GPI: variants seen among roughly 807,000 people sequenced by gnomAD.
The protein encoded by GPI is glucose-6-phosphate isomerase, also known as D-hexose-6-phosphate anomerase.
GPI carries 56 observed loss-of-function variants against 75.8 expected under a neutral mutation model. That is an observed-to-expected ratio of 0.74 (90% CI 0.60 to 0.92). The LOEUF (loss-of-function observed/expected upper bound fraction) is 0.92, where lower values mean the gene tolerates loss of function less well. Ranked by LOEUF, GPI falls within the 40% of genes least tolerant of loss-of-function variation. The pLI, the probability that GPI is intolerant of heterozygous loss-of-function variation, is 0.00. For synonymous variants in GPI, 288 were observed against 285.4 expected (o/e 1.01, Z -0.09); for missense variants, 638 against 741.0 (o/e 0.86, Z 1.61).
chr19:34,362,185 G>A (rs1486991279), upstream of GPI, among the ~76,000 whole-genome samples: 1 of 151,820 alleles, frequency 6.6e-6, no homozygotes, highest in African/African-American at 2.4e-5. Context: ...TACTAGGGAG[G>A]CTGAGGCAAG....
At chr19:34,387,440 A>T (rs1252689767) in intron 9 of GPI, among the ~76,000 whole-genome samples, 1 of 150,820 alleles carries the variant, frequency 6.6e-6, no homozygotes, top group East Asian at 1.9e-4. Flanking sequence ...CAATGGTGGT[A>T]TGTTTACCTG....
At position 34,400,153 on chromosome 19, in the gene GPI, TGGACCACGA is replaced by T. The variant is rs1240588893; in HGVS notation, c.*119_*127del. ...CCAGAGCACCCTCTGGTTGTGGGCT[TGGACCACGA>T]GCCCTTAGCAGGGAAGGCTGGTCTC... On this transcript the variant is annotated 3_prime_UTR_variant, in exon 18 of 18. Coordinates refer to ENST00000356487, the MANE Select transcript of GPI (RefSeq NM_000175.5). 9.0e-6 allele frequency: 10 copies of T among 1,116,520 alleles called. No homozygotes were observed. Among genetic ancestry groups the T allele is most frequent in the Non-Finnish European group, 1.3e-5 (10 of 743,726 alleles). 69.2% of individuals were successfully genotyped at this position (1,116,520 alleles called of 1,614,324 possible). A position where few individuals can be genotyped will look rare whatever the true frequency, so the allele number is the denominator to read the frequency against.
At chr19:34,398,906 C>T (rs2074981690) in intron 14 of GPI, 3 of 244,202 alleles carry the variant, frequency 1.2e-5, no homozygotes, top group South Asian at 5.3e-5. Flanking sequence ...CGGGTTTCAC[C>T]ATGTTGGTCA....
At chr19:34,397,854 A>C (rs770917978) in intron 14 of GPI, 10 of 149,100 alleles carry the variant, frequency 6.7e-5, no homozygotes, top group Non-Finnish European at 1.0e-4. Context: ...GCTACTAGAT[A>C]ATCCAGGAAA....
At chr19:34,399,532 G>T (rs752136708) in intron 15 of GPI, 24 bp from the exon 16 acceptor site, 5 of 1,611,852 alleles carry the variant, frequency 3.1e-6, no homozygotes, top group Non-Finnish European at 3.4e-6. Context: ...CTCTCTTGGA[G>T]ACATTCCTTG....
chr19:34,393,572 A>G lies in GPI; in HGVS notation c.866-156A>G. 4.0e-6 allele frequency: 3 copies of G among 757,920 alleles called. No homozygotes were observed. The highest frequency in any genetic ancestry group is 6.9e-6 in the Non-Finnish European group (3 of 434,716). 46.9% of individuals were successfully genotyped at this position (757,920 alleles called of 1,614,324 possible). A position where few individuals can be genotyped will look rare whatever the true frequency, so the allele number is the denominator to read the frequency against. ...GAGTCAGATCCCTGCACTCAGGGCC[A>G]CCTCTCACTGGAGGGGCTTTGTCTA... is the stretch of plus-strand genomic sequence containing the variant. On this transcript the variant is annotated intron_variant, in intron 10 of 17. Coordinates refer to ENST00000356487, the MANE Select transcript of GPI (RefSeq NM_000175.5). The surrounding 1 kb of genome is among the most constrained non-coding windows in gnomAD (Gnocchi z 4.4).
At chr19:34,381,425 T>C (rs1367039764) in intron 8 of GPI, 41 bp from the exon 9 acceptor site, 3 of 1,382,738 alleles carry the variant, frequency 2.2e-6, no homozygotes, top group South Asian at 2.3e-5. Flanking sequence ...CGCTAGCAAA[T>C]GCTTCTTTGC....
At chr19:34,389,184 C>T (rs1186469988) in intron 9 of GPI, among the ~76,000 whole-genome samples, 1 of 152,174 alleles carries the variant, frequency 6.6e-6, no homozygotes, top group East Asian at 1.9e-4. Context: ...CTGCGTCTGT[C>T]AGGTAAGGTT....
At chr19:34,381,952 G>T (rs1210639496) in intron 9 of GPI, among the ~76,000 whole-genome samples, 1 of 152,004 alleles carries the variant, frequency 6.6e-6, no homozygotes, top group Non-Finnish European at 1.5e-5. Flanking sequence ...AGGAGGAGCT[G>T]GGGGGGTGGC....
chr19:34,378,668 G>A (rs181271424), intron 6 of GPI, among the ~76,000 whole-genome samples: 1 of 152,342 alleles, frequency 6.6e-6, no homozygotes, highest in East Asian at 1.9e-4. Flanking sequence ...GCCGAAGAGA[G>A]CCTCAGGTTG....
At chr19:34,369,508 A>G (rs955958584) in intron 4 of GPI, among the ~76,000 whole-genome samples, 1 of 151,854 alleles carries the variant, frequency 6.6e-6, no homozygotes, top group Admixed American at 6.6e-5. Flanking sequence ...GGAGTTCGAG[A>G]CCAGCCTGGC....
chr19:34,381,683 C>A, intron 9 of GPI, 164 bp downstream of exon 9: 1 of 708,704 alleles, frequency 1.4e-6, no homozygotes, highest in South Asian at 1.5e-5. Context: ...GCAAGAGCAA[C>A]CCAGGCAGGA....
intron 4 of GPI, among the ~76,000 whole-genome samples, chr19:34,374,433 C>T (rs537893225): frequency 2.6e-5 from 4 of 152,216 alleles, no homozygotes; most frequent in East Asian, 3.9e-4. Flanking sequence ...CCGCTTCTGG[C>T]GCCTAGTGAT....
chr19:34,364,244 G>A (rs958894135), upstream of GPI, among the ~76,000 whole-genome samples: 5 of 151,846 alleles, frequency 3.3e-5, no homozygotes, highest in Non-Finnish European at 5.9e-5. Flanking sequence ...GCCCAGGCTC[G>A]GCTTGAACTC....
At chr19:34,374,174 G>C (rs1046291001) in intron 4 of GPI, among the ~76,000 whole-genome samples, 2 of 147,896 alleles carry the variant, frequency 1.4e-5, no homozygotes, top group African/African-American at 2.5e-5. Context: ...AGTAGAGATG[G>C]GGTTTCACCA....
intron 7 of GPI, among the ~76,000 whole-genome samples, 196 bp from the exon 8 acceptor site, chr19:34,379,322 A>G (rs2074604015): frequency 6.6e-6 from 1 of 152,108 alleles, no homozygotes; most frequent in African/African-American, 2.4e-5. Context: ...GTATGCTTGT[A>G]AGATGGGATG....
At position 34,366,777 on chromosome 19, in the gene GPI, T is replaced by C. The variant is rs373646173; in HGVS notation, c.214-6T>C. Reference sequence around the variant, plus strand: ...GGGACCAGGCCTCAGTATCGTCTCTTCCTAGGCCAAGTCCAGGGGCGTGGA... The same window carrying C: ...GGGACCAGGCCTCAGTATCGTCTCTCCCTAGGCCAAGTCCAGGGGCGTGGA... On this transcript the variant is annotated splice_region_variant and splice_polypyrimidine_tract_variant and intron_variant, in intron 2 of 17. Transcript: ENST00000356487. 104 of 1,610,304 alleles carry C rather than the reference T, an allele frequency of 6.5e-5. No individual in the cohort carries two copies. The highest frequency in any genetic ancestry group is 8.5e-5 in the Non-Finnish European group (100 of 1,177,730).
intron 4 of GPI, among the ~76,000 whole-genome samples, chr19:34,374,935 C>T (rs1338732134): frequency 6.6e-6 from 1 of 151,410 alleles, no homozygotes; most frequent in African/African-American, 2.4e-5. Context: ...GCTATGTTGC[C>T]CAGGCTAGTT....
chr19:34,396,806 C>G, intron 14 of GPI, 149 bp downstream of exon 14: 2 of 714,988 alleles, frequency 2.8e-6, no homozygotes, highest in South Asian at 3.1e-5. Context: ...AAACAACACT[C>G]TTCTTTTGTG....
Sources: gnomAD v4.1 joint callset for allele counts (sites outside exome capture counted in the v4.1 genomes callset) on GRCh38, gnomAD v4.1.1 for gene constraint, Gnocchi (gnomAD v3.1) non-coding constraint, MANE v1.5 for transcripts, NCBI Gene and HGNC (gene_info 2026-07-23, HGNC 2026-07-21) for gene names.